Variants in ABCD4 observed in about 807,000 individuals in gnomAD.
ABCD4 encodes the protein ATP binding cassette subfamily D member 4.
In ABCD4, 53 loss-of-function variants were observed where a neutral mutation model predicts 86.3. That is an observed-to-expected ratio of 0.61 (90% confidence interval 0.49 to 0.77). The LOEUF (loss-of-function observed/expected upper bound fraction) is 0.77. ABCD4 is among the 30% of genes least tolerant of loss of function. ABCD4 has a pLI of 0.00. For synonymous variants in ABCD4, 328 were observed against 313.6 expected (o/e 1.05, Z -0.49); for missense variants, 757 against 764.5 (o/e 0.99, Z 0.12).
chr14:74,290,677 C>T (rs2081259609), intron 11 of ABCD4, among the ~76,000 whole-genome samples, 178 bp from the exon 12 acceptor site: 1 of 136,268 alleles, frequency 7.3e-6, no homozygotes, highest in Admixed American at 7.5e-5. Flanking sequence ...CATTCGGAGG[C>T]AGGGTCTTTT....
rs955562396 is a variant in ABCD4 at position 74,291,954 on chromosome 14, G to C, written c.1118+333C>G. ...ATCTCTGGGGCTGAGTGAGGTGGGG[G>C]AACAAAGACAGACATGCCCCAAGGA... On this transcript the variant is annotated intron_variant, in intron 11 of 18. Transcript: ENST00000356924. 3.3e-5 allele frequency among the ~76,000 whole-genome samples: 5 copies of C among 152,182 alleles called. No individual in the cohort carries two copies. The East Asian group carries it at 9.6e-4, about 29-fold the overall frequency.
In ABCD4 at chr14:74,286,542, A is replaced by G. The variant is rs1034494934; in HGVS notation, c.1753-13T>C. On this transcript the variant is annotated splice_polypyrimidine_tract_variant and intron_variant, in intron 18 of 18. Transcript: ENST00000356924. ...CCAAGGAATGAAACTACAAGAGACC[A>G]CCACCACATGGAGATCAGGCTGCCC... 1.2e-6 allele frequency: 2 copies of G among 1,614,098 alleles called. No individual in the cohort carries two copies. Among genetic ancestry groups the G allele is most frequent in the Admixed American group, 1.7e-5 (1 of 60,002 alleles).
intron 1 of ABCD4, among the ~76,000 whole-genome samples, chr14:74,301,442 G>A (rs1412814372): frequency 2.1e-5 from 3 of 140,246 alleles, no homozygotes; most frequent in Non-Finnish European, 3.0e-5. Context: ...TGACAGGTGT[G>A]AGCCACCGGG....
Position 74,300,228 on chromosome 14 carries a change from T to C in ABCD4, c.79A>G (p.Ile27Val), listed in dbSNP as rs772998712. The change falls in exon 2 of 19, where the codon ATA (isoleucine) becomes GTA (valine). Residue 27 changes from isoleucine (I) to valine (V), a missense_variant. Ile to Val is a conservative substitution (Grantham distance 29). Transcript: ENST00000356924. Reference protein sequence around the residue: ...DLQFLQRFLQILKVLFPSWSS... With the variant: ...DLQFLQRFLQVLKVLFPSWSS... Reference sequence around the variant, plus strand: ...CAAGAAGGAAACAAAACCTTCAGTATCTGCAGGAACCGCTGGAGAAATTGC... The same window carrying C: ...CAAGAAGGAAACAAAACCTTCAGTACCTGCAGGAACCGCTGGAGAAATTGC... 2 of 1,613,750 alleles carry C rather than the reference T, an allele frequency of 1.2e-6. No individual in the cohort carries two copies. Among genetic ancestry groups the C allele is most frequent in the South Asian group, 1.1e-5 (1 of 91,068 alleles).
chr14:74,294,881 A>G lies in ABCD4; in HGVS notation c.719+267T>C, dbSNP rs3742800. 0.34 allele frequency: 170,777 copies of G among 506,906 alleles called. 30,636 individuals carry two copies. Among genetic ancestry groups the G allele is most frequent in the Middle Eastern group, 0.51 (964 of 1,884 alleles). 31.4% of individuals were successfully genotyped at this position (506,906 alleles called of 1,614,324 possible). A position where few individuals can be genotyped will look rare whatever the true frequency, so the allele number is the denominator to read the frequency against. ...ACAGTCACCAGCAAGAGGATGAGGC[A>G]TTCATTCATTTGACAATTTCAGGCC... On this transcript the variant is annotated intron_variant, in intron 7 of 18. Coordinates refer to ENST00000356924, the MANE Select transcript of ABCD4 (RefSeq NM_005050.4).
At position 74,302,909 on chromosome 14, in the gene ABCD4, C is replaced by T; in HGVS notation, c.4G>A (p.Ala2Thr). 6.2e-7 allele frequency: 1 copy of T among 1,608,460 alleles called. No individual in the cohort carries two copies. The highest frequency in any genetic ancestry group is 8.5e-7 in the Non-Finnish European group (1 of 1,177,728). Reference sequence around the variant, plus strand: ...GCTCCGGGCGCGGGCCCCGCGACCGCCATGACCTGAGACCCGAGGGACTCT... The same window carrying T: ...GCTCCGGGCGCGGGCCCCGCGACCGTCATGACCTGAGACCCGAGGGACTCT... M[A>T]VAGPAPGAGA... Residue 2 changes from alanine (A) to threonine (T), a missense_variant, in exon 1 of 19, where the codon GCG becomes ACG. Ala to Thr is a moderately conservative substitution (Grantham distance 58). Transcript: ENST00000356924.
chr14:74,288,063 C>T, intron 16 of ABCD4, 144 bp downstream of exon 16: 1 of 1,099,232 alleles, frequency 9.1e-7, no homozygotes. Flanking sequence ...AAACTCTGTT[C>T]CCAAGGGCAT....
intron 15 of ABCD4, 47 bp from the exon 16 acceptor site, chr14:74,288,306 GC>G: frequency 5.1e-6 from 8 of 1,566,066 alleles, no homozygotes; most frequent in Non-Finnish European, 7.0e-6. Flanking sequence ...GGCCAGCCCT[GC>G]TACCTGCCAT....
chr14:74,292,739 G>A lies in ABCD4; in HGVS notation c.936+9C>T. On this transcript the variant is annotated intron_variant, in intron 9 of 18. Coordinates refer to ENST00000356924, the MANE Select transcript of ABCD4 (RefSeq NM_005050.4). The stretch of plus-strand genomic sequence containing the variant: ...GACAGCATGTGGGGTGACCAAGAGG[G>A]AGTCTCACCTTGCTGACCAGGGTGC... 2 of 1,614,046 alleles carry A rather than the reference G, an allele frequency of 1.2e-6. No individual in the cohort carries two copies. Among genetic ancestry groups the A allele is most frequent in the Non-Finnish European group, 1.7e-6 (2 of 1,179,960 alleles).
At chr14:74,293,315 C>T (rs1438790020) in intron 7 of ABCD4, 67 bp from the exon 8 acceptor site, 5 of 1,431,500 alleles carry the variant, frequency 3.5e-6, no homozygotes, top group Non-Finnish European at 4.9e-6. Flanking sequence ...GGCCGCCTGT[C>T]CCATATCACA....
chr14:74,287,761 G>C, intron 17 of ABCD4, 49 bp downstream of exon 17: 1 of 1,530,940 alleles, frequency 6.5e-7, no homozygotes, highest in Non-Finnish European at 8.9e-7. Flanking sequence ...TGCTACACCC[G>C]TGAGTGCAGA....
Position 74,290,424 on chromosome 14 carries a change from G to A in ABCD4, c.1194C>T (p.Ser398=). 1 of 1,614,142 alleles carries A rather than the reference G, an allele frequency of 6.2e-7. No homozygotes were observed. Among genetic ancestry groups the A allele is most frequent in the South Asian group, 1.1e-5 (1 of 91,080 alleles). ...LLERVSISAP[S]SDKPLIKDLS... ...GATCCTTGATTAGGGGTTTGTCAGAGGAGGGGGCAGAGATGGAGACCCGCT... is the reference window on the plus strand; with the variant it reads ...GATCCTTGATTAGGGGTTTGTCAGAAGAGGGGGCAGAGATGGAGACCCGCT... Residue 398 remains serine (S), a synonymous_variant, in exon 12 of 19, where the codon TCC becomes TCT. Coordinates refer to ENST00000356924, the MANE Select transcript of ABCD4 (RefSeq NM_005050.4).
At position 74,295,999 on chromosome 14, in the gene ABCD4, A is replaced by G. The variant is rs966574839; in HGVS notation, c.543-20T>C. 6 of 1,583,524 alleles carry G rather than the reference A, an allele frequency of 3.8e-6. No homozygotes were observed. Among genetic ancestry groups the G allele is most frequent in the Non-Finnish European group, 5.1e-6 (6 of 1,168,650 alleles). On this transcript the variant is annotated intron_variant, in intron 5 of 18. Transcript: ENST00000356924. ...CCTGTGCTGAAATAGAGAGAGAGGG[A>G]GAGAAGGGAGAGGGTGTGGGGTGCC...
rs772186255 is a variant in ABCD4, at chr14:74,287,781, G to T, written c.1636+29C>A. On this transcript the variant is annotated intron_variant, in intron 17 of 18. Transcript: ENST00000356924. Reference sequence around the variant, plus strand: ...CACCCGTGAGTGCAGACAGCGCATGGCATGTGCAGCCACAAGGCGAGACCT... The same window carrying T: ...CACCCGTGAGTGCAGACAGCGCATGTCATGTGCAGCCACAAGGCGAGACCT... 6 of 1,591,696 alleles carry T rather than the reference G, an allele frequency of 3.8e-6. No homozygotes were observed. The South Asian group carries it at 6.8e-5, about 18-fold the overall frequency.
Position 74,293,217 on chromosome 14 carries a change from G to T in ABCD4, c.751C>A (p.Arg251Ser). 1 of 1,614,146 alleles carries T rather than the reference G, an allele frequency of 6.2e-7. No individual in the cohort carries two copies. Among genetic ancestry groups the T allele is most frequent in the Non-Finnish European group, 8.5e-7 (1 of 1,180,036 alleles). Residue 251 changes from arginine to serine, a missense_variant, in exon 8 of 19, where the codon CGC (arginine) becomes AGC (serine). Physicochemically the swap from Arg to Ser is moderately radical, Grantham distance 110. Coordinates refer to ENST00000356924, the MANE Select transcript of ABCD4 (RefSeq NM_005050.4). ...GTCTGAAGGAGTCTCTGCAGCCTGC[G>T]GTCTGTCCTCATGTGCTCCACATGC... is the stretch of plus-strand genomic sequence containing the variant. The part of the protein sequence containing the change: ...AGHVEHMRTD[R>S]RLQRLLQTQR...
At position 74,285,522 on chromosome 14, in the gene ABCD4, T is replaced by A. The variant is rs1404751796; in HGVS notation, c.*939A>T. On this transcript the variant is annotated 3_prime_UTR_variant, in exon 19 of 19. Transcript: ENST00000356924. The stretch of plus-strand genomic sequence containing the variant: ...AACTTAAAAGGTTTGTTTTTAAAAA[T>A]ATTAAGTAACTCAAGTACTAGAAGT... The A allele has an allele frequency of 6.6e-6, 1 of 152,182 alleles. No individual in the cohort carries two copies. Among genetic ancestry groups the A allele is most frequent in the Non-Finnish European group, 1.5e-5 (1 of 68,038 alleles). 9.4% of individuals were successfully genotyped at this position (152,182 alleles called of 1,614,324 possible).
chr14:74,288,560 T>A, intron 15 of ABCD4, 156 bp downstream of exon 15: 1 of 850,140 alleles, frequency 1.2e-6, no homozygotes, highest in Non-Finnish European at 1.9e-6. Flanking sequence ...TGCCTAAACC[T>A]GGCCAACAGC....
At chr14:74,302,160 C>T (rs1342326297) in intron 1 of ABCD4, among the ~76,000 whole-genome samples, 1 of 152,168 alleles carries the variant, frequency 6.6e-6, no homozygotes, top group Non-Finnish European at 1.5e-5. Context: ...AAGGAGACAA[C>T]TGCCAGAATA....
chr14:74,297,988 A>G lies in ABCD4; in HGVS notation c.367T>C (p.Tyr123His). 1 of 1,614,026 alleles carries G rather than the reference A, an allele frequency of 6.2e-7. No individual in the cohort carries two copies. Among genetic ancestry groups the G allele is most frequent in the Non-Finnish European group, 8.5e-7 (1 of 1,179,958 alleles). Residue 123 changes from tyrosine to histidine, a missense_variant, in exon 4 of 19, where the codon TAC (tyrosine) becomes CAC (histidine). Physicochemically the swap from Tyr to His is moderately conservative, Grantham distance 83. Coordinates refer to ENST00000356924, the MANE Select transcript of ABCD4 (RefSeq NM_005050.4). ...KDLTEHLHRL[Y>H]FRGRAYYTLN... ...GTGTAGTACGCACGGCCCCGGAAGT[A>G]GAGGCGGTGAAGGTGCTCAGTGAGG...
Sources: allele counts gnomAD v4.1 joint callset (sites outside exome capture counted in the v4.1 genomes callset), GRCh38; gene constraint gnomAD v4.1.1; transcripts MANE v1.5; gene names NCBI Gene and HGNC (gene_info 2026-07-23, HGNC 2026-07-21).